The following SMAP1 variants were observed in gnomAD, a reference collection of about 807,000 sequenced individuals.
SMAP1 encodes the protein stromal membrane-associated protein 1.
In SMAP1, 24 loss-of-function variants were observed where a neutral mutation model predicts 58.5. The ratio of observed to expected loss-of-function variants is 0.41; its 90% CI spans 0.30 to 0.58. SMAP1 has a LOEUF of 0.58. Ranked by LOEUF, SMAP1 falls within the 20% of genes least tolerant of loss-of-function variation. The pLI is 0.29. For synonymous variants in SMAP1, 216 were observed against 196.6 expected, an observed-to-expected ratio of 1.10 and a Z score of -0.82; for missense variants, 563 against 566.3, an observed-to-expected ratio of 0.99 and a Z score of 0.06.
chr6:70,824,230 C>G (rs1420302186), intron 6 of SMAP1, among the ~76,000 whole-genome samples: 4 of 152,092 alleles, frequency 2.6e-5, no homozygotes, highest in African/African-American at 9.7e-5. Context: ...CTTGCAAGCT[C>G]CCTGCTTGCT....
chr6:70,708,317 G>A (rs568903822), intron 1 of SMAP1, among the ~76,000 whole-genome samples: 1 of 152,156 alleles, frequency 6.6e-6, no homozygotes, highest in African/African-American at 2.4e-5. Flanking sequence ...CCCCAAGGCC[G>A]AATTATATTC....
At chr6:70,858,266 A>T in intron 10 of SMAP1, 37 bp downstream of exon 10, 1 of 1,433,784 alleles carries the variant, frequency 7.0e-7, no homozygotes, top group Non-Finnish European at 9.3e-7. Flanking sequence ...TCCCAAATCA[A>T]ACCAGATTTA....
At chr6:70,703,144 A>G (rs1182238826) in intron 1 of SMAP1, among the ~76,000 whole-genome samples, 2 of 151,834 alleles carry the variant, frequency 1.3e-5, no homozygotes, top group African/African-American at 2.4e-5. Flanking sequence ...GTGACACGAT[A>G]TGGCTGACTG....
chr6:70,749,125 T>G (rs945534407), intron 2 of SMAP1, among the ~76,000 whole-genome samples: 4 of 152,164 alleles, frequency 2.6e-5, no homozygotes, highest in African/African-American at 9.7e-5. Flanking sequence ...AGGAAACTTA[T>G]AATTATGGCG....
chr6:70,792,892 G>A (rs909255044), intron 5 of SMAP1, among the ~76,000 whole-genome samples: 1 of 152,054 alleles, frequency 6.6e-6, no homozygotes, highest in African/African-American at 2.4e-5. Flanking sequence ...AACTTTACAG[G>A]CTCCGTGGGG....
intron 1 of SMAP1, among the ~76,000 whole-genome samples, chr6:70,690,581 C>A (rs897466672): frequency 6.6e-6 from 1 of 152,028 alleles, no homozygotes; most frequent in African/African-American, 2.4e-5. Flanking sequence ...GCTGGGATTA[C>A]AGGCCACCCG....
intron 6 of SMAP1, among the ~76,000 whole-genome samples, chr6:70,832,921 C>T (rs1049636069): frequency 2.6e-5 from 4 of 152,168 alleles, no homozygotes; most frequent in African/African-American, 9.7e-5. Flanking sequence ...ACAATAGCAT[C>T]TCCTGAGTCT....
chr6:70,779,065 A>G (rs147087744), intron 4 of SMAP1, among the ~76,000 whole-genome samples: 3,580 of 152,338 alleles, frequency 0.024, 52 homozygotes, highest in Non-Finnish European at 0.037. Flanking sequence ...TGGAATGGGC[A>G]GGGTCACTGT....
intron 8 of SMAP1, chr6:70,856,591 T>G: frequency 3.9e-6 from 1 of 254,672 alleles, no homozygotes; most frequent in Non-Finnish European, 7.4e-6. Flanking sequence ...AGCAAAAACT[T>G]GGTGTCACCT....
In SMAP1 at chr6:70,830,817, G is replaced by T. The variant is rs767303858; in HGVS notation, c.577-6124G>T. On this transcript the variant is annotated intron_variant, in intron 6 of 10. Transcript: ENST00000370455. Reference sequence around the variant, plus strand: ...CACATTAACATTGGTGATTTATATTGTAAAGAAAGACAAAGAGAATCAAAT... The same window carrying T: ...CACATTAACATTGGTGATTTATATTTTAAAGAAAGACAAAGAGAATCAAAT... Among the ~76,000 whole-genome samples, 48 of 152,232 alleles carry T rather than the reference G, an allele frequency of 3.2e-4. 1 individual carries two copies. Among genetic ancestry groups the T allele is most frequent in the Admixed American group, 9.8e-4 (15 of 15,290 alleles).
At chr6:70,724,976 A>G (rs990945556) in intron 1 of SMAP1, among the ~76,000 whole-genome samples, 2 of 150,736 alleles carry the variant, frequency 1.3e-5, no homozygotes, top group Non-Finnish European at 2.9e-5. Flanking sequence ...TGAAACTTCT[A>G]TTTAAACTTT....
At chr6:70,762,349 T>A (rs947091639) in intron 3 of SMAP1, among the ~76,000 whole-genome samples, 1 of 152,144 alleles carries the variant, frequency 6.6e-6, no homozygotes, top group Non-Finnish European at 1.5e-5. Flanking sequence ...GTTGAGTGAT[T>A]GAAACATAGA....
chr6:70,842,507 G>A (rs541727895), intron 7 of SMAP1, among the ~76,000 whole-genome samples: 6 of 152,290 alleles, frequency 3.9e-5, no homozygotes, highest in African/African-American at 1.4e-4. Flanking sequence ...AGAGCAAGAA[G>A]GGACAGCTTC....
chr6:70,815,656 G>A (rs1431551195), intron 6 of SMAP1, among the ~76,000 whole-genome samples: 1 of 152,082 alleles, frequency 6.6e-6, no homozygotes, highest in East Asian at 1.9e-4. Flanking sequence ...GTGGAATGTA[G>A]GGATTTTAAA....
At chr6:70,751,907 C>T (rs929980174) in intron 2 of SMAP1, among the ~76,000 whole-genome samples, 1 of 152,104 alleles carries the variant, frequency 6.6e-6, no homozygotes, top group Admixed American at 6.6e-5. Context: ...TCCACACCCC[C>T]TGTTTTTTTG....
At chr6:70,739,602 ATC>A (rs1456565319) in intron 2 of SMAP1, among the ~76,000 whole-genome samples, 1 of 152,048 alleles carries the variant, frequency 6.6e-6, no homozygotes, top group Non-Finnish European at 1.5e-5. Flanking sequence ...GTAGTTTTAT[ATC>A]TTTTTTTGTT....
At chr6:70,783,516 G>A (rs1455568616) in intron 4 of SMAP1, among the ~76,000 whole-genome samples, 1 of 152,134 alleles carries the variant, frequency 6.6e-6, no homozygotes, top group East Asian at 1.9e-4. Flanking sequence ...GCTACGGGAG[G>A]AAACTCAAAC....
At chr6:70,783,036 A>G (rs1355298688) in intron 4 of SMAP1, among the ~76,000 whole-genome samples, 1 of 152,144 alleles carries the variant, frequency 6.6e-6, no homozygotes, top group African/African-American at 2.4e-5. Context: ...GGCATCCCCT[A>G]GTAGGGGCAG....
chr6:70,713,322 T>G (rs1337907087), intron 1 of SMAP1, among the ~76,000 whole-genome samples: 2 of 152,164 alleles, frequency 1.3e-5, no homozygotes, highest in Admixed American at 6.5e-5. Context: ...GTTAAGTCTG[T>G]TCTTATTCTA....
Sources: gnomAD v4.1 joint callset for allele counts (sites outside exome capture counted in the v4.1 genomes callset) on GRCh38, gnomAD v4.1.1 for gene constraint, MANE v1.5 for transcripts, NCBI Gene and HGNC (gene_info 2026-07-23, HGNC 2026-07-21) for gene names.